Variants in CHD1L observed in about 807,000 individuals in gnomAD.
The protein encoded by CHD1L is ATP-dependent chromatin remodeler CHD1L.
In CHD1L, 118 loss-of-function variants were observed where a neutral mutation model predicts 115.9. The observed-to-expected ratio is 1.02, with a 90% CI of 0.88 to 1.19. CHD1L has a LOEUF of 1.19. CHD1L is among the 50% of genes most tolerant of loss of function. The pLI, the probability that CHD1L is intolerant of heterozygous loss-of-function variation, is 0.00. For synonymous variants in CHD1L, 411 were observed against 387.1 expected (o/e 1.06, Z -0.72); for missense variants, 1,179 against 1,065.3 (o/e 1.11, Z -1.49).
In CHD1L at chr1:147,291,468, C is replaced by T; in HGVS notation, c.2321-14C>T. ...TTGGTGTTCTTTATGTTGCTCCTTT[C>T]TGTTTTACCTCAGACCTGAGTTTGG... On this transcript the variant is annotated splice_polypyrimidine_tract_variant and intron_variant, in intron 19 of 22. Coordinates refer to ENST00000369258, the MANE Select transcript of CHD1L (RefSeq NM_004284.6). 1 of 1,609,610 alleles carries T rather than the reference C, an allele frequency of 6.2e-7. No homozygotes were observed. The highest frequency in any genetic ancestry group is 2.2e-5 in the East Asian group (1 of 44,848).
At chr1:147,228,915 T>C in the CHD1L span, among the ~76,000 whole-genome samples, 14 of 152,336 alleles carry the variant, frequency 9.2e-5, no homozygotes, top group South Asian at 2.9e-3. Context: ...ATTAGCCCTT[T>C]GTCAGATGAG....
chr1:147,269,551 C>A (rs1352845288), intron 10 of CHD1L, among the ~76,000 whole-genome samples: 1 of 151,818 alleles, frequency 6.6e-6, no homozygotes, highest in Non-Finnish European at 1.5e-5. Flanking sequence ...CGCCTGTAGT[C>A]CCAGCTACTT....
chr1:147,255,684 G>A, intron 3 of CHD1L, 129 bp from the exon 4 acceptor site: 1 of 565,440 alleles, frequency 1.8e-6, no homozygotes. Context: ...AGAGCCCCAA[G>A]ACTCTGGTTG....
At chr1:147,282,087 G>A (rs1226335994) in intron 15 of CHD1L, among the ~76,000 whole-genome samples, 6 of 152,110 alleles carry the variant, frequency 3.9e-5, no homozygotes, top group East Asian at 1.9e-4. Context: ...TTCCCCAACC[G>A]TCTGGTATTC....
At position 147,284,517 on chromosome 1, in the gene CHD1L, AT is replaced by A. The variant is rs1329325144; in HGVS notation, c.1854+21del. 3 of 1,548,596 alleles carry A rather than the reference AT, an allele frequency of 1.9e-6. No homozygotes were observed. The highest frequency in any genetic ancestry group is 4.7e-5 in the East Asian group (2 of 42,898). On this transcript the variant is annotated intron_variant, in intron 16 of 22. Transcript: ENST00000369258. The stretch of plus-strand genomic sequence containing the variant: ...AAGGCAGTGTAAGAACTGTTAATTT[AT>A]TTAAAAGTTGTTCTTCCAAACTCTC...
chr1:147,264,889 G>A (rs4950392), intron 7 of CHD1L, among the ~76,000 whole-genome samples: 5 of 152,038 alleles, frequency 3.3e-5, no homozygotes, highest in Admixed American at 6.5e-5. Flanking sequence ...TTCTATAAAG[G>A]CTTTGTTAAC....
chr1:147,295,733 G>A lies in CHD1L; in HGVS notation c.*224G>A. On this transcript the variant is annotated 3_prime_UTR_variant, in exon 23 of 23. Coordinates refer to ENST00000369258, the MANE Select transcript of CHD1L (RefSeq NM_004284.6). ...AAAGCCCTTTGACCCCAGCTTGCTA[G>A]TTGCATAATAATAAATTTTCTGTTC... The A allele has an allele frequency of 1.9e-6, 1 of 516,310 alleles. No individual in the cohort carries two copies. The highest frequency in any genetic ancestry group is 3.0e-5 in the South Asian group (1 of 33,226). The allele number at this position is 516,310 out of a possible 1,614,324, so 32.0% of individuals were successfully genotyped here.
chr1:147,190,300 A>G, the CHD1L span: 3 of 1,107,354 alleles, frequency 2.7e-6, no homozygotes, highest in Non-Finnish European at 4.1e-6. Context: ...AGAAGGAACA[A>G]TAATCCTATA....
the CHD1L span, among the ~76,000 whole-genome samples, chr1:147,184,824 G>A: frequency 6.6e-6 from 1 of 152,028 alleles, no homozygotes; most frequent in Non-Finnish European, 1.5e-5. The surrounding 1 kb of genome is among the most constrained non-coding windows in gnomAD (Gnocchi z 4.4). Context: ...TTTTTGGAAG[G>A]AAGTCACTAT....
chr1:147,192,723 T>G, the CHD1L span, among the ~76,000 whole-genome samples: 5,608 of 152,102 alleles, frequency 0.037, 153 homozygotes, highest in South Asian at 0.095. Flanking sequence ...TAGCATGAAG[T>G]GTTGTTGAAT....
intron 1 of CHD1L, among the ~76,000 whole-genome samples, chr1:147,250,326 T>C (rs1192219489): frequency 6.6e-6 from 1 of 152,232 alleles, no homozygotes; most frequent in South Asian, 2.1e-4. Context: ...AGGCATTTTT[T>C]TTAAATCATG....
chr1:147,226,094 G>A, the CHD1L span, among the ~76,000 whole-genome samples: 1 of 118,946 alleles, frequency 8.4e-6, no homozygotes, highest in Non-Finnish European at 1.7e-5. Context: ...AGGTTGTCTG[G>A]CAATTTATCT....
chr1:147,180,367 C>T, the CHD1L span, among the ~76,000 whole-genome samples: 122 of 152,266 alleles, frequency 8.0e-4, no homozygotes, highest in African/African-American at 2.5e-3. Flanking sequence ...TCTCAGCTCA[C>T]TGCAACTTCC....
rs1208386052 is a variant in CHD1L at position 147,251,540 on chromosome 1, TA to T, written c.128-1082del. Among the ~76,000 whole-genome samples, 7 of 152,268 alleles carry T rather than the reference TA, an allele frequency of 4.6e-5. No individual in the cohort carries two copies. The Middle Eastern group carries it at 0.014, about 296-fold the overall frequency. ...TAATTTATTTATTTATTTTTATTAT[TA>T]TTTTTTTGAGACAGTCTCGCTCTGT... On this transcript the variant is annotated intron_variant, in intron 1 of 22. Coordinates refer to ENST00000369258, the MANE Select transcript of CHD1L (RefSeq NM_004284.6).
At chr1:147,291,804 G>T (rs587756148) in intron 20 of CHD1L, among the ~76,000 whole-genome samples, 2 of 152,070 alleles carry the variant, frequency 1.3e-5, no homozygotes, top group African/African-American at 4.8e-5. Context: ...TGCAGATGGC[G>T]GTCATCTTGC....
At position 147,293,469 on chromosome 1, in the gene CHD1L, C is replaced by T. The variant is rs1441482956; in HGVS notation, c.2392-139C>T. 5.9e-6 allele frequency: 4 copies of T among 675,678 alleles called. No individual in the cohort carries two copies. In the Admixed American group the frequency reaches 6.9e-5, roughly 12 times the overall value. The allele number at this position is 675,678 out of a possible 1,614,324, so 41.9% of individuals were successfully genotyped here. On this transcript the variant is annotated intron_variant, in intron 20 of 22. Transcript: ENST00000369258. The stretch of plus-strand genomic sequence containing the variant: ...AAGTCATACATATAGTAGGACATTG[C>T]TGTTCAGGCATAGCATCCGAAAGAG...
intron 13 of CHD1L, among the ~76,000 whole-genome samples, 190 bp downstream of exon 13, chr1:147,275,658 TAGA>T (rs1172597680): frequency 6.6e-6 from 1 of 151,968 alleles, no homozygotes; most frequent in African/African-American, 2.4e-5. Context: ...CTGACTTTAT[TAGA>T]AGGAGTCAAA....
rs1282886911 is a variant in CHD1L, at chr1:147,261,392, T to C, written c.576+1474T>C. Among the ~76,000 whole-genome samples the C allele has an allele frequency of 3.9e-5, 4 of 101,742 alleles. No individual in the cohort carries two copies. In the East Asian group the frequency reaches 1.1e-3, roughly 28 times the overall value. The allele number at this position is 101,742 out of a possible 152,430, so 66.7% of individuals were successfully genotyped here. On this transcript the variant is annotated intron_variant, in intron 6 of 22. Coordinates refer to ENST00000369258, the MANE Select transcript of CHD1L (RefSeq NM_004284.6). ...GCAGAAGAGCAAGCTATCCAAATGC[T>C]GCATGACACTTTTTTTTTTTTATAT...
intron 5 of CHD1L, among the ~76,000 whole-genome samples, chr1:147,258,416 C>T (rs116172467): frequency 6.6e-6 from 1 of 152,272 alleles, no homozygotes; most frequent in Non-Finnish European, 1.5e-5. Context: ...GGAATAGGAC[C>T]TAATCTGTTT....
Sources: gnomAD v4.1 joint callset for allele counts (sites outside exome capture counted in the v4.1 genomes callset) on GRCh38, gnomAD v4.1.1 for gene constraint, Gnocchi (gnomAD v3.1) non-coding constraint, MANE v1.5 for transcripts, NCBI Gene and HGNC (gene_info 2026-07-23, HGNC 2026-07-21) for gene names.